SMARCC1: variants seen among roughly 807,000 people sequenced by gnomAD.
SMARCC1 encodes SWI/SNF complex subunit SMARCC1.
SMARCC1 carries 43 observed loss-of-function variants against 147.4 expected under a neutral mutation model. The observed-to-expected ratio is 0.29, with a 90% CI of 0.23 to 0.38. SMARCC1 has a LOEUF of 0.38. SMARCC1 is among the 10% of genes least tolerant of loss of function. The probability of loss-of-function intolerance (pLI) is 1.00; values close to 1 mark genes in which losing one functional copy is unlikely to be tolerated. For synonymous variants in SMARCC1, 495 were observed against 484.4 expected, an observed-to-expected ratio of 1.02 and a Z score of -0.29; for missense variants, 1,119 against 1,381.1, an observed-to-expected ratio of 0.81 and a Z score of 3.01.
intron 5 of SMARCC1, among the ~76,000 whole-genome samples, chr3:47,734,230 A>G (rs2106827178): frequency 6.6e-6 from 1 of 152,292 alleles, no homozygotes; most frequent in Middle Eastern, 3.4e-3. Context: ...AGTCAATCCA[A>G]TAAAAAGATA....
intron 18 of SMARCC1, among the ~76,000 whole-genome samples, chr3:47,673,399 T>TGGG (rs71070208): frequency 4.3e-5 from 2 of 47,002 alleles, no homozygotes; most frequent in African/African-American, 1.3e-4. Flanking sequence ...AAAAAAAGGG[T>TGGG]GGGGGGGGGG....
intron 19 of SMARCC1, chr3:47,663,926 C>T: frequency 7.1e-7 from 1 of 1,412,116 alleles, no homozygotes; most frequent in Non-Finnish European, 9.9e-7. Flanking sequence ...TATGAAGTCT[C>T]AACCCTGAGC....
intron 19 of SMARCC1, among the ~76,000 whole-genome samples, chr3:47,667,133 T>C (rs751193446): frequency 1.3e-5 from 2 of 151,854 alleles, no homozygotes; most frequent in African/African-American, 2.4e-5. Context: ...CTGGCTAACA[T>C]GGTGAAACCT....
chr3:47,744,352 C>T (rs1409051068), intron 3 of SMARCC1, among the ~76,000 whole-genome samples: 1 of 152,020 alleles, frequency 6.6e-6, no homozygotes, highest in Non-Finnish European at 1.5e-5. Flanking sequence ...GCCATGATGG[C>T]CAGTCTGGAC....
At chr3:47,713,245 G>A (rs2034112322) in intron 8 of SMARCC1, among the ~76,000 whole-genome samples, 1 of 151,912 alleles carries the variant, frequency 6.6e-6, no homozygotes, top group African/African-American at 2.4e-5. Flanking sequence ...GTGAACCCGG[G>A]AGGTGGAGCT....
At chr3:47,727,022 C>T (rs1341023094) in intron 6 of SMARCC1, among the ~76,000 whole-genome samples, 1 of 151,522 alleles carries the variant, frequency 6.6e-6, no homozygotes, top group Non-Finnish European at 1.5e-5. Flanking sequence ...CAAGCCTGTC[C>T]AACATGGTGA....
intron 26 of SMARCC1, among the ~76,000 whole-genome samples, chr3:47,594,669 G>A (rs756337727): frequency 1.3e-5 from 2 of 152,208 alleles, no homozygotes; most frequent in Admixed American, 1.3e-4. Context: ...ATAAAAATTT[G>A]TGAGTAACTT....
rs1210222219 is a variant in SMARCC1 at position 47,710,719 on chromosome 3, C to T, written c.882G>A (p.Val294=). 3 of 1,613,674 alleles carry T rather than the reference C, an allele frequency of 1.9e-6. No individual in the cohort carries two copies. Among genetic ancestry groups the T allele is most frequent in the East Asian group, 4.5e-5 (2 of 44,866 alleles). Residue 294 remains valine, a synonymous_variant, in exon 9 of 28, where the codon GTG becomes GTA. Transcript: ENST00000254480. Reference sequence around the variant, plus strand: ...TGGTTGAAATCCGCTGACGAAAACTCACAGGCTTCCTATTTTCATCCACCT... The same window carrying T: ...TGGTTGAAATCCGCTGACGAAAACTTACAGGCTTCCTATTTTCATCCACCT... ...DYEVDENRKP[V]SFRQRISTKN...
intron 26 of SMARCC1, among the ~76,000 whole-genome samples, chr3:47,609,535 T>C (rs1344054054): frequency 6.6e-6 from 1 of 152,058 alleles, no homozygotes; most frequent in Non-Finnish European, 1.5e-5. Context: ...AGAGATACAT[T>C]TGAAGTCTAT....
intron 24 of SMARCC1, among the ~76,000 whole-genome samples, chr3:47,628,631 G>A (rs2032844813): frequency 6.6e-6 from 1 of 152,092 alleles, no homozygotes; most frequent in African/African-American, 2.4e-5. Flanking sequence ...GGAATGCAGT[G>A]GCATGATCTC....
At chr3:47,699,045 T>C (rs2033887034) in intron 11 of SMARCC1, among the ~76,000 whole-genome samples, 1 of 152,016 alleles carries the variant, frequency 6.6e-6, no homozygotes, top group Non-Finnish European at 1.5e-5. Flanking sequence ...TTAAATTGGG[T>C]CACAGACCTA....
At chr3:47,671,196 A>AAAAAAAAAAAATAAAAAAAAC (rs753672169) in intron 18 of SMARCC1, among the ~76,000 whole-genome samples, 1 of 81,144 alleles carries the variant, frequency 1.2e-5, no homozygotes, top group Admixed American at 1.8e-4. Context: ...AAAAAAAAAA[A>AAAAAAAAAAAATAAAAAAAAC]AACACACACA....
chr3:47,680,827 G>A (rs1242249094), intron 14 of SMARCC1, among the ~76,000 whole-genome samples: 1 of 152,076 alleles, frequency 6.6e-6, no homozygotes, highest in Non-Finnish European at 1.5e-5. Context: ...GATTACAGGC[G>A]TGAGCCACCG....
At chr3:47,647,438 G>A (rs947492218) in intron 21 of SMARCC1, among the ~76,000 whole-genome samples, 3 of 152,154 alleles carry the variant, frequency 2.0e-5, no homozygotes, top group African/African-American at 7.2e-5. Context: ...GCTAAGTTAC[G>A]TTTGGTAGGT....
At chr3:47,638,009 G>A (rs1312816726) in intron 22 of SMARCC1, among the ~76,000 whole-genome samples, 1 of 152,064 alleles carries the variant, frequency 6.6e-6, no homozygotes, top group South Asian at 2.1e-4. Flanking sequence ...GCCCTCATAG[G>A]AAATCACTTA....
Position 47,586,268 on chromosome 3 carries a change from C to G in SMARCC1, c.*1941G>C, listed in dbSNP as rs2032069966. On this transcript the variant is annotated 3_prime_UTR_variant, in exon 28 of 28. Transcript: ENST00000254480. ...AGGGACCACAGTATGAACCAGAATTCCATTTTCCTTCTCGGACTCCAGGGG... is the reference window on the plus strand; with the variant it reads ...AGGGACCACAGTATGAACCAGAATTGCATTTTCCTTCTCGGACTCCAGGGG... 1 of 152,184 alleles carries G rather than the reference C, an allele frequency of 6.6e-6. No homozygotes were observed. Among genetic ancestry groups the G allele is most frequent in the Non-Finnish European group, 1.5e-5 (1 of 68,032 alleles). The allele number at this position is 152,184 out of a possible 1,614,324, so 9.4% of individuals were successfully genotyped here. A position where few individuals can be genotyped will look rare whatever the true frequency, so the allele number is the denominator to read the frequency against.
chr3:47,698,744 A>G (rs1280821677), intron 11 of SMARCC1, among the ~76,000 whole-genome samples: 3 of 152,114 alleles, frequency 2.0e-5, no homozygotes, highest in African/African-American at 7.2e-5. Flanking sequence ...TAATAGCAAA[A>G]ACAATATTGA....
chr3:47,594,524 T>C (rs943196668), intron 26 of SMARCC1, among the ~76,000 whole-genome samples: 1 of 152,060 alleles, frequency 6.6e-6, no homozygotes, highest in Non-Finnish European at 1.5e-5. Context: ...AGGGACTGAT[T>C]CAGGATAAAA....
chr3:47,729,034 G>C lies in SMARCC1; in HGVS notation c.637C>G (p.Gln213Glu). The change falls in exon 6 of 28, where the codon CAA (glutamine) becomes GAA (glutamate). Residue 213 changes from glutamine to glutamate, a missense_variant. By Grantham distance (29) the Gln-to-Glu change is conservative. Coordinates refer to ENST00000254480, the MANE Select transcript of SMARCC1 (RefSeq NM_003074.4). ...CGCAAAACTAACTTACCATCGTCTT[G>C]TGAGGAAGAATATGGGTAAATGTGG... ...SHHIYPYSSS[Q>E]DDEEWLRPVM... 1 of 1,608,434 alleles carries C rather than the reference G, an allele frequency of 6.2e-7. No individual in the cohort carries two copies. The highest frequency in any genetic ancestry group is 8.5e-7 in the Non-Finnish European group (1 of 1,175,644).
Sources: allele counts gnomAD v4.1 joint callset (sites outside exome capture counted in the v4.1 genomes callset), GRCh38; gene constraint gnomAD v4.1.1; transcripts MANE v1.5; gene names NCBI Gene and HGNC (gene_info 2026-07-23, HGNC 2026-07-21).